Variants in CADPS2 observed in about 807,000 individuals in gnomAD.
The protein encoded by CADPS2 is calcium-dependent secretion activator 2.
In CADPS2, 93 loss-of-function variants were observed where a neutral mutation model predicts 172.5. The ratio of observed to expected loss-of-function variants is 0.54; its 90% CI spans 0.46 to 0.64. The LOEUF is 0.64. Ranked by LOEUF, CADPS2 falls within the 30% of genes least tolerant of loss-of-function variation. The pLI is 0.00. For missense variants in CADPS2, 1,420 were observed against 1,565.9 expected, an observed-to-expected ratio of 0.91 and a Z score of 1.57; for synonymous variants, 546 against 555.2, an observed-to-expected ratio of 0.98 and a Z score of 0.23.
intron 19 of CADPS2, among the ~76,000 whole-genome samples, chr7:122,408,555 G>A: frequency 6.6e-6 from 1 of 152,092 alleles, no homozygotes; most frequent in Admixed American, 6.6e-5. Flanking sequence ...CACCCAAGTA[G>A]CTGGGACCAC....
intron 25 of CADPS2, among the ~76,000 whole-genome samples, chr7:122,371,227 C>G (rs1374499681): frequency 6.6e-6 from 1 of 152,148 alleles, no homozygotes; most frequent in Non-Finnish European, 1.5e-5. Context: ...GAAAGATACT[C>G]TGGCTTCAGG....
At chr7:122,554,749 C>A in intron 7 of CADPS2, 60 bp from the exon 8 acceptor site, 1 of 1,372,136 alleles carries the variant, frequency 7.3e-7, no homozygotes, top group East Asian at 2.6e-5. Flanking sequence ...TGGGTTGGAA[C>A]TAAAATATTT....
At chr7:122,571,076 A>C (rs1374232316) in intron 7 of CADPS2, among the ~76,000 whole-genome samples, 5 of 152,130 alleles carry the variant, frequency 3.3e-5, no homozygotes, top group Non-Finnish European at 7.4e-5. Context: ...GGACAAGCCA[A>C]AGACTGAGAG....
At chr7:122,786,756 A>C (rs1458641836) in intron 1 of CADPS2, among the ~76,000 whole-genome samples, 2 of 150,898 alleles carry the variant, frequency 1.3e-5, no homozygotes, top group African/African-American at 4.9e-5. Flanking sequence ...CCATATCCCC[A>C]TTTTTTTTTC....
At chr7:122,705,209 T>C (rs949099788) in intron 2 of CADPS2, among the ~76,000 whole-genome samples, 62 of 151,732 alleles carry the variant, frequency 4.1e-4, no homozygotes, top group African/African-American at 1.4e-3. Context: ...ATTGCATATA[T>C]TTTATCAGAA....
intron 11 of CADPS2, among the ~76,000 whole-genome samples, chr7:122,488,089 T>C (rs978250253): frequency 6.6e-6 from 1 of 152,142 alleles, no homozygotes; most frequent in African/African-American, 2.4e-5. Context: ...GAGACTGGCC[T>C]ATGGAGAGGT....
At chr7:122,746,700 T>C (rs1260195636) in intron 1 of CADPS2, among the ~76,000 whole-genome samples, 3 of 152,030 alleles carry the variant, frequency 2.0e-5, no homozygotes, top group South Asian at 4.1e-4. Context: ...TTGGGCTGCA[T>C]TGAAAGTCAT....
intron 1 of CADPS2, among the ~76,000 whole-genome samples, chr7:122,754,820 G>T (rs1302672779): frequency 6.6e-6 from 1 of 152,150 alleles, no homozygotes; most frequent in African/African-American, 2.4e-5. Context: ...AACACATAAT[G>T]TAAATGTCTA....
intron 1 of CADPS2, among the ~76,000 whole-genome samples, chr7:122,799,464 G>A (rs1266022809): frequency 6.6e-5 from 10 of 151,898 alleles, no homozygotes; most frequent in South Asian, 4.1e-4. Context: ...TTAGCCGGGC[G>A]TGGTGGTGGG....
chr7:122,361,231 T>TTTC (rs2040085604), intron 25 of CADPS2, among the ~76,000 whole-genome samples: 1 of 137,712 alleles, frequency 7.3e-6, no homozygotes, highest in Non-Finnish European at 1.6e-5. Context: ...ACACTTTTTT[T>TTTC]TTTTTTTTTT....
At chr7:122,528,490 C>G (rs976417006) in intron 8 of CADPS2, among the ~76,000 whole-genome samples, 5 of 152,190 alleles carry the variant, frequency 3.3e-5, no homozygotes, top group South Asian at 2.1e-4. Context: ...AAAATTATAA[C>G]GTTCAGCTTC....
chr7:122,558,547 C>T (rs540533947), intron 7 of CADPS2, among the ~76,000 whole-genome samples: 27 of 152,068 alleles, frequency 1.8e-4, no homozygotes, highest in Non-Finnish European at 2.9e-4. Context: ...GTATCTTCTT[C>T]ATAATAAAAT....
Position 122,875,972 on chromosome 7 carries a change from C to T in CADPS2, c.339+10027G>A, listed in dbSNP as rs1172548435. Among the ~76,000 whole-genome samples, 3 of 152,012 alleles carry T rather than the reference C, an allele frequency of 2.0e-5. No individual in the cohort carries two copies. In the East Asian group the frequency reaches 5.8e-4, roughly 29 times the overall value. On this transcript the variant is annotated intron_variant, in intron 1 of 29. Coordinates refer to ENST00000449022, the MANE Select transcript of CADPS2 (RefSeq NM_017954.11). ...GGGAAACACAAAGAAAGGATACAAA[C>T]TATTGATTTCTAAAATAGCAGAACT...
At chr7:122,496,928 T>G (rs2058780002) in intron 9 of CADPS2, among the ~76,000 whole-genome samples, 1 of 152,182 alleles carries the variant, frequency 6.6e-6, no homozygotes, top group Non-Finnish European at 1.5e-5. Flanking sequence ...CCATCAAGAT[T>G]ATCTCTCTGT....
intron 7 of CADPS2, among the ~76,000 whole-genome samples, chr7:122,565,085 G>A (rs1049096600): frequency 6.6e-6 from 1 of 152,030 alleles, no homozygotes; most frequent in African/African-American, 2.4e-5. Context: ...AGGGGGCAGT[G>A]GGAAAGGAGG....
chr7:122,440,177 A>T (rs2051167550), intron 16 of CADPS2: 1 of 152,188 alleles, frequency 6.6e-6, no homozygotes. Flanking sequence ...GTGATCAGTG[A>T]CTATAACTGG....
At chr7:122,428,172 A>G (rs1471442078) in intron 17 of CADPS2, among the ~76,000 whole-genome samples, 2 of 152,178 alleles carry the variant, frequency 1.3e-5, no homozygotes, top group African/African-American at 4.8e-5. Flanking sequence ...GATTAAAATT[A>G]CTTTCATAAA....
intron 1 of CADPS2, among the ~76,000 whole-genome samples, chr7:122,834,011 C>A (rs1807456985): frequency 6.6e-6 from 1 of 152,114 alleles, no homozygotes; most frequent in South Asian, 2.1e-4. Flanking sequence ...AGCAAGCCTG[C>A]AGCCTGGGTG....
At chr7:122,487,011 CTTTTTTT>C (rs535575706) in intron 11 of CADPS2, among the ~76,000 whole-genome samples, 1 of 123,282 alleles carries the variant, frequency 8.1e-6, no homozygotes. Flanking sequence ...ATAAACATAA[CTTTTTTT>C]TTTTTTTTTT....
Sources: allele counts gnomAD v4.1 joint callset (sites outside exome capture counted in the v4.1 genomes callset), GRCh38; gene constraint gnomAD v4.1.1; transcripts MANE v1.5; gene names NCBI Gene and HGNC (gene_info 2026-07-23, HGNC 2026-07-21).